The following ZC2HC1C variants were observed in gnomAD, a reference collection of about 807,000 sequenced individuals.
ZC2HC1C encodes zinc finger C2HC-type containing 1C.
Under a neutral mutation model 39.2 loss-of-function variants are expected in ZC2HC1C, and 25 were observed. The ratio of observed to expected loss-of-function variants is 0.64; its 90% confidence interval spans 0.47 to 0.89. ZC2HC1C has a LOEUF of 0.89. ZC2HC1C is among the 40% of genes least tolerant of loss of function. The probability of loss-of-function intolerance (pLI) is 0.00; values close to 1 mark genes in which losing one functional copy is unlikely to be tolerated. For missense variants in ZC2HC1C, 519 were observed against 548.6 expected (o/e 0.95, Z 0.54); for synonymous variants, 209 against 214.4 (o/e 0.97, Z 0.22).
In ZC2HC1C at chr14:75,070,971, T is replaced by G; in HGVS notation, c.398T>G (p.Val133Gly). Residue 133 changes from valine to glycine, a missense_variant, in exon 2 of 3, where the codon GTT becomes GGT. Transcript: ENST00000524913. ...TTTATCCCCTTTACAAAGAAACGAG[T>G]TGGAGTGGACCGGGCGTTCCCATTG... ...QDFIPFTKKR[V>G]GVDRAFPLKP... 6.2e-7 allele frequency: 1 copy of G among 1,614,024 alleles called. No homozygotes were observed. Among genetic ancestry groups the G allele is most frequent in the South Asian group, 1.1e-5 (1 of 91,082 alleles).
rs948269098 is a variant in ZC2HC1C at position 75,070,804 on chromosome 14, A to G, written c.231A>G (p.Gln77=). ...KVYTHPKWNT[Q]TKARSYSYPH... is the part of the protein sequence containing the mutation. ...ATACTCACCCCAAATGGAACACCCA[A>G]ACAAAAGCCCGGAGCTACTCCTATC... Residue 77 remains glutamine, a synonymous_variant, in exon 2 of 3, where the codon CAA becomes CAG. Transcript: ENST00000524913. The G allele has an allele frequency of 5.9e-5, 95 of 1,614,084 alleles. No homozygotes were observed. The highest frequency in any genetic ancestry group is 7.5e-5 in the Non-Finnish European group (88 of 1,180,042).
In ZC2HC1C at chr14:75,071,585, A is replaced by G; in HGVS notation, c.1012A>G (p.Ile338Val). 1 of 1,614,182 alleles carries G rather than the reference A, an allele frequency of 6.2e-7. No homozygotes were observed. The highest frequency in any genetic ancestry group is 2.2e-5 in the East Asian group (1 of 44,882). The change falls in exon 2 of 3, where the codon ATT (isoleucine) becomes GTT (valine). Residue 338 changes from isoleucine to valine, a missense_variant. By Grantham distance (29) the Ile-to-Val change is conservative. Transcript: ENST00000524913. ...RERLVASNNK[I>V]RDPVSEPSVE... ...AAGGCTGGTAGCAAGCAATAATAAA[A>G]TTCGAGACCCAGTCTCAGAGCCATC...
rs765231850 is a variant in ZC2HC1C at position 75,071,728 on chromosome 14, G to A, written c.1155G>A (p.Glu385=). ...CAGGTTCCAGCGGCTCCATTGAAGA[G>A]CCACAGCTGGGTGAGTGCAGCCACT... ...DSSGSSGSIE[E]PQLGECSHCG... The change falls in exon 2 of 3, where the codon GAG becomes GAA. Residue 385 remains glutamate, a synonymous_variant. Coordinates refer to ENST00000524913, the MANE Select transcript of ZC2HC1C (RefSeq NM_024643.4). The A allele has an allele frequency of 2.2e-5, 36 of 1,614,068 alleles. No homozygotes were observed. The highest frequency in any genetic ancestry group is 2.9e-5 in the Non-Finnish European group (34 of 1,180,036).
At chr14:75,076,861 G>A (rs2139686669) in intron 2 of ZC2HC1C, among the ~76,000 whole-genome samples, 2 of 152,112 alleles carry the variant, frequency 1.3e-5, no homozygotes, top group African/African-American at 4.8e-5. Context: ...AGCTTAAGTG[G>A]GGCTCATTGA....
chr14:75,074,077 T>C (rs1010962482), intron 2 of ZC2HC1C, among the ~76,000 whole-genome samples: 2 of 152,100 alleles, frequency 1.3e-5, no homozygotes, highest in Non-Finnish European at 2.9e-5. Flanking sequence ...ACCCAGCTAA[T>C]TTTTGTATGT....
intron 2 of ZC2HC1C, chr14:75,073,698 T>G: frequency 6.3e-6 from 7 of 1,116,846 alleles, no homozygotes; most frequent in African/African-American, 1.6e-5. Flanking sequence ...CCTGTCTCTC[T>G]CCTGGACTGT....
Position 75,071,704 on chromosome 14 carries a change from A to G in ZC2HC1C, c.1131A>G (p.Ser377=), listed in dbSNP as rs1893429367. ...GCCTGTCCATGGCACCAGACTCCTCAGGTTCCAGCGGCTCCATTGAAGAGC... is the reference window on the plus strand; with the variant it reads ...GCCTGTCCATGGCACCAGACTCCTCGGGTTCCAGCGGCTCCATTGAAGAGC... ...NSSLSMAPDS[S]GSSGSIEEPQ... Residue 377 remains serine (S), a synonymous_variant, in exon 2 of 3, where the codon TCA becomes TCG. Coordinates refer to ENST00000524913, the MANE Select transcript of ZC2HC1C (RefSeq NM_024643.4). 6.2e-7 allele frequency: 1 copy of G among 1,614,168 alleles called. No homozygotes were observed. The highest frequency in any genetic ancestry group is 8.5e-7 in the Non-Finnish European group (1 of 1,180,022).
chr14:75,072,057 G>C (rs1312299030), intron 2 of ZC2HC1C, 146 bp downstream of exon 2: 6 of 1,185,614 alleles, frequency 5.1e-6, no homozygotes, highest in Non-Finnish European at 5.7e-6. Context: ...ACTACTGTAT[G>C]CCAGCATTGT....
chr14:75,074,598 C>T (rs1429832621), intron 2 of ZC2HC1C, among the ~76,000 whole-genome samples: 1 of 151,364 alleles, frequency 6.6e-6, no homozygotes, highest in Non-Finnish European at 1.5e-5. Context: ...TTTTTTGAGA[C>T]GGAGTCTCTG....
rs1359407759 is a variant in ZC2HC1C, at chr14:75,079,316, T to G, written c.*1752T>G. On this transcript the variant is annotated 3_prime_UTR_variant, in exon 3 of 3. Coordinates refer to ENST00000524913, the MANE Select transcript of ZC2HC1C (RefSeq NM_024643.4). The stretch of plus-strand genomic sequence containing the variant: ...AGCGGTGAAGCTGCAGGACACAGGC[T>G]GGGAAAAAATCCTATATATTTAAAT... 2 of 152,052 alleles carry G rather than the reference T, an allele frequency of 1.3e-5. No individual in the cohort carries two copies. Among genetic ancestry groups the G allele is most frequent in the Non-Finnish European group, 2.9e-5 (2 of 68,020 alleles). The allele number at this position is 152,052 out of a possible 1,614,324, so 9.4% of individuals were successfully genotyped here.
chr14:75,070,453 A>G, intron 1 of ZC2HC1C, 102 bp from the exon 2 acceptor site: 1 of 1,374,068 alleles, frequency 7.3e-7, no homozygotes, highest in South Asian at 1.4e-5. Context: ...AGAAAAGTTT[A>G]AGGGAATGTG....
At chr14:75,076,550 G>T (rs1474906309) in intron 2 of ZC2HC1C, among the ~76,000 whole-genome samples, 2 of 152,204 alleles carry the variant, frequency 1.3e-5, no homozygotes, top group Non-Finnish European at 2.9e-5. Context: ...TTACAGGCGT[G>T]AGCCATCACA....
At chr14:75,073,467 A>T in intron 2 of ZC2HC1C, 1 of 664,342 alleles carries the variant, frequency 1.5e-6, no homozygotes, top group Non-Finnish European at 2.3e-6. Flanking sequence ...CTTTATGGCA[A>T]CTAGTTTGTG....
Position 75,077,444 on chromosome 14 carries a change from C to G in ZC2HC1C, c.1339-88C>G, listed in dbSNP as rs1044074263. The stretch of plus-strand genomic sequence containing the variant: ...CTCTTTGACCTTGCAGATTAGTACC[C>G]TTTTCATTTTCTTACTGTTATTCTA... On this transcript the variant is annotated intron_variant, in intron 2 of 2. Coordinates refer to ENST00000524913, the MANE Select transcript of ZC2HC1C (RefSeq NM_024643.4). 3.9e-6 allele frequency: 6 copies of G among 1,547,478 alleles called. No homozygotes were observed. In the African/African-American group the frequency reaches 8.2e-5, roughly 21 times the overall value.
At position 75,079,277 on chromosome 14, in the gene ZC2HC1C, T is replaced by C. The variant is rs1893799332; in HGVS notation, c.*1713T>C. The stretch of plus-strand genomic sequence containing the variant: ...TAACAGATCAGACCAATTTGAAATG[T>C]GAGTTAAGGCTTTAGCGGTGAAGCT... On this transcript the variant is annotated 3_prime_UTR_variant, in exon 3 of 3. Coordinates refer to ENST00000524913, the MANE Select transcript of ZC2HC1C (RefSeq NM_024643.4). The C allele has an allele frequency of 6.7e-6, 1 of 148,694 alleles. No individual in the cohort carries two copies. Among genetic ancestry groups the C allele is most frequent in the African/African-American group, 2.5e-5 (1 of 40,190 alleles). 9.2% of individuals were successfully genotyped at this position (148,694 alleles called of 1,614,324 possible).
chr14:75,078,748 G>C lies in ZC2HC1C; in HGVS notation c.*1184G>C, dbSNP rs905492559. The C allele has an allele frequency of 6.6e-6, 1 of 152,076 alleles. No individual in the cohort carries two copies. The highest frequency in any genetic ancestry group is 1.5e-5 in the Non-Finnish European group (1 of 68,040). The allele number at this position is 152,076 out of a possible 1,614,324, so 9.4% of individuals were successfully genotyped here. ...CCCATCTCAAAACAAAACAAAGCTGGGACACTGCACAGTGTCACATGCCCT... is the reference window on the plus strand; with the variant it reads ...CCCATCTCAAAACAAAACAAAGCTGCGACACTGCACAGTGTCACATGCCCT... On this transcript the variant is annotated 3_prime_UTR_variant, in exon 3 of 3. Transcript: ENST00000524913.
At chr14:75,072,289 C>CA (rs1389895869) in intron 2 of ZC2HC1C, among the ~76,000 whole-genome samples, 1 of 152,076 alleles carries the variant, frequency 6.6e-6, no homozygotes, top group Non-Finnish European at 1.5e-5. Flanking sequence ...TTAAAAGACA[C>CA]AAAAAATCTA....
chr14:75,073,912 G>A (rs1010825387), intron 2 of ZC2HC1C, among the ~76,000 whole-genome samples: 1 of 152,104 alleles, frequency 6.6e-6, no homozygotes, highest in East Asian at 1.9e-4. Context: ...CTTTTTTTGA[G>A]ACCGAGTCTC....
chr14:75,073,584 G>A (rs1566629232), intron 2 of ZC2HC1C: 3 of 1,289,294 alleles, frequency 2.3e-6, no homozygotes, highest in Non-Finnish European at 3.0e-6. Flanking sequence ...TGTGCCTTTG[G>A]AAGCTGAGTG....
Sources: allele counts gnomAD v4.1 joint callset (sites outside exome capture counted in the v4.1 genomes callset), GRCh38; gene constraint gnomAD v4.1.1; transcripts MANE v1.5; gene names NCBI Gene and HGNC (gene_info 2026-07-23, HGNC 2026-07-21).